AFF2: variants seen among roughly 807,000 people sequenced by gnomAD.
The protein encoded by AFF2 is AF4/FMR2 family member 2.
In AFF2, 14 loss-of-function variants were observed where a neutral mutation model predicts 76.9. The ratio of observed to expected loss-of-function variants is 0.18; its 90% CI spans 0.12 to 0.28. The LOEUF (loss-of-function observed/expected upper bound fraction) is 0.28, where lower values mean the gene tolerates loss of function less well. AFF2 is among the 10% of genes least tolerant of loss of function. AFF2 has a pLI of 1.00. For missense variants in AFF2, 868 were observed against 1,001.1 expected (o/e 0.87, Z 1.79); for synonymous variants, 398 against 366.7 (o/e 1.09, Z -0.98).
chrX:148,775,317 T>C (rs926216577), intron 3 of AFF2, among the ~76,000 whole-genome samples: 2 of 112,004 alleles, frequency 1.8e-5, no homozygotes, highest in African/African-American at 3.2e-5. Flanking sequence ...GGAATAATAA[T>C]GACCTGTGTG....
At chrX:148,910,422 G>A (rs186242867) in intron 9 of AFF2, among the ~76,000 whole-genome samples, 47 of 112,519 alleles carry the variant, frequency 4.2e-4, no homozygotes, top group Non-Finnish European at 6.4e-4. Context: ...GGAGTTTAGA[G>A]TCTAGCAGAA....
intron 1 of AFF2, among the ~76,000 whole-genome samples, chrX:148,621,213 G>C (rs1001106432): frequency 2.7e-5 from 3 of 111,617 alleles, no homozygotes; most frequent in Admixed American, 9.5e-5. Flanking sequence ...TTATTGGTTG[G>C]CTAATCAAAA....
chrX:148,901,358 G>A (rs1399927436), intron 8 of AFF2, among the ~76,000 whole-genome samples: 3 of 111,590 alleles, frequency 2.7e-5, no homozygotes, highest in Non-Finnish European at 5.7e-5. Flanking sequence ...GGGAACCATG[G>A]CACAAAATAA....
chrX:148,584,040 T>G (rs2053440802), intron 1 of AFF2, among the ~76,000 whole-genome samples: 1 of 112,339 alleles, frequency 8.9e-6, no homozygotes, highest in Non-Finnish European at 1.9e-5. Context: ...GAAATATACT[T>G]AAGTTTGCTT....
chrX:148,966,802 C>T lies in AFF2; in HGVS notation c.2926C>T (p.Pro976Ser), dbSNP rs1557288770. 8.3e-7 allele frequency: 1 copy of T among 1,210,159 alleles called. No homozygotes were observed. The highest frequency in any genetic ancestry group is 2.2e-5 in the Admixed American group (1 of 45,915). The change falls in exon 14 of 21, where the codon CCA becomes TCA. Residue 976 changes from proline (P) to serine (S), a missense_variant. Coordinates refer to ENST00000370460, the MANE Select transcript of AFF2 (RefSeq NM_002025.4). ...KGISVNEGDT[P>S]KKASSATITV... Reference sequence around the variant, plus strand: ...TCCTTTTTCCCAGGAGGGAGACACTCCAAAAAAGGCATCCTCTGCCACCAT... The same window carrying T: ...TCCTTTTTCCCAGGAGGGAGACACTTCAAAAAAGGCATCCTCTGCCACCAT...
intron 1 of AFF2, among the ~76,000 whole-genome samples, chrX:148,514,294 T>C (rs1032167214): frequency 8.9e-6 from 1 of 112,650 alleles, no homozygotes; most frequent in Admixed American, 9.4e-5. Context: ...TGTTTTCTTA[T>C]GTTTTGTCTT....
chrX:148,837,036 C>T (rs1200060395), intron 4 of AFF2, among the ~76,000 whole-genome samples: 2 of 111,883 alleles, frequency 1.8e-5, no homozygotes, highest in Non-Finnish European at 3.8e-5. Context: ...TGGGCTGTAT[C>T]AAGAGAAGAT....
At chrX:148,805,876 A>G (rs2070124898) in intron 3 of AFF2, among the ~76,000 whole-genome samples, 1 of 112,129 alleles carries the variant, frequency 8.9e-6, no homozygotes, top group Non-Finnish European at 1.9e-5. Flanking sequence ...CCAGCACAAG[A>G]GGGTCGTCTG....
intron 9 of AFF2, among the ~76,000 whole-genome samples, chrX:148,940,765 TC>T (rs1178036325): frequency 1.8e-5 from 2 of 111,806 alleles, no homozygotes; most frequent in African/African-American, 6.5e-5. Context: ...AGCTATCTTA[TC>T]ACTAGTGGCC....
At chrX:148,773,685 G>GGAAAGACA in intron 3 of AFF2, among the ~76,000 whole-genome samples, 2 of 51,435 alleles carry the variant, frequency 3.9e-5, no homozygotes, top group East Asian at 1.3e-3. Flanking sequence ...AAGGAAGGAA[G>GGAAAGACA]GAAAGAAAGA....
chrX:148,920,423 A>T (rs963895836), intron 9 of AFF2, among the ~76,000 whole-genome samples: 110 of 111,913 alleles, frequency 9.8e-4, no homozygotes, highest in African/African-American at 3.5e-3. Context: ...ATTTTTTTGA[A>T]ATTAAAATTC....
intron 8 of AFF2, among the ~76,000 whole-genome samples, chrX:148,898,066 T>C (rs1239240402): frequency 3.6e-5 from 4 of 112,297 alleles, no homozygotes; most frequent in African/African-American, 1.3e-4. Context: ...AATTGACAAA[T>C]GGATCTTGCC....
At chrX:148,624,559 A>G (rs1314761505) in intron 1 of AFF2, among the ~76,000 whole-genome samples, 3 of 112,443 alleles carry the variant, frequency 2.7e-5, no homozygotes, top group African/African-American at 9.7e-5. Context: ...TTATTGAACA[A>G]TGATAATCAG....
At chrX:148,586,113 C>T (rs539941069) in intron 1 of AFF2, among the ~76,000 whole-genome samples, 1 of 111,083 alleles carries the variant, frequency 9.0e-6, no homozygotes, top group Admixed American at 9.6e-5. Context: ...CCTCAATTTA[C>T]TGGTAAGGGA....
intron 1 of AFF2, among the ~76,000 whole-genome samples, chrX:148,639,992 T>G (rs1313187198): frequency 1.8e-5 from 2 of 112,367 alleles, no homozygotes; most frequent in African/African-American, 3.2e-5. Context: ...TGATAGTAAG[T>G]TTTGTTTATG....
chrX:148,558,903 AT>A (rs1557240039), intron 1 of AFF2, among the ~76,000 whole-genome samples: 1 of 111,781 alleles, frequency 8.9e-6, no homozygotes, highest in East Asian at 2.8e-4. Context: ...GACACCAGGC[AT>A]CCTAGGTAGT....
chrX:148,803,655 T>A (rs1557271101), intron 3 of AFF2, among the ~76,000 whole-genome samples: 2 of 111,941 alleles, frequency 1.8e-5, no homozygotes, highest in African/African-American at 6.5e-5. Flanking sequence ...AAATGAACAG[T>A]GAGTTAATGG....
At chrX:148,597,892 T>C (rs1228279845) in intron 1 of AFF2, among the ~76,000 whole-genome samples, 1 of 112,266 alleles carries the variant, frequency 8.9e-6, no homozygotes, top group Non-Finnish European at 1.9e-5. Flanking sequence ...ACTTTCATCA[T>C]AGGAAATGGC....
chrX:148,521,995 G>A (rs782716407), intron 1 of AFF2, among the ~76,000 whole-genome samples: 1 of 111,932 alleles, frequency 8.9e-6, no homozygotes, highest in South Asian at 3.8e-4. Flanking sequence ...TGAAACTTCC[G>A]CCACAGTGCA....
Sources: allele counts gnomAD v4.1 joint callset (sites outside exome capture counted in the v4.1 genomes callset), GRCh38; gene constraint gnomAD v4.1.1; transcripts MANE v1.5; gene names NCBI Gene and HGNC (gene_info 2026-07-23, HGNC 2026-07-21).